The following PDK1 variants were observed in gnomAD, a reference collection of about 807,000 sequenced individuals.
PDK1 encodes pyruvate dehydrogenase kinase 1.
PDK1 carries 39 observed loss-of-function variants against 54.2 expected under a neutral mutation model. The observed-to-expected ratio is 0.72, with a 90% CI of 0.56 to 0.94. The LOEUF is 0.94. PDK1 is among the 40% of genes least tolerant of loss of function. PDK1 has a pLI of 0.00. For missense variants in PDK1, 552 were observed against 566.0 expected (o/e 0.98, Z 0.25); for synonymous variants, 221 against 207.1 (o/e 1.07, Z -0.58).
the PDK1 span, among the ~76,000 whole-genome samples, chr2:172,621,784 T>C: frequency 7.0e-6 from 1 of 141,868 alleles, no homozygotes; most frequent in Non-Finnish European, 1.6e-5. Context: ...TGTTTATATC[T>C]CATATGTATG....
chr2:172,688,684 A>G, the PDK1 span, among the ~76,000 whole-genome samples: 1 of 152,162 alleles, frequency 6.6e-6, no homozygotes, highest in Admixed American at 6.5e-5. Context: ...GGGAAAGGAG[A>G]GAAGGAAGGA....
At position 172,559,019 on chromosome 2, in the gene PDK1, C is replaced by T. The variant is rs188294822; in HGVS notation, c.338+170C>T. Among the ~76,000 whole-genome samples, 766 of 151,980 alleles carry T rather than the reference C, an allele frequency of 5.0e-3. 9 individuals are homozygous for T. Among genetic ancestry groups the T allele is most frequent in the African/African-American group, 0.017 (695 of 41,432 alleles). ...GCTGGAGTGCAGTGGCGCGATCTTG[C>T]CTCACTGCAAGCTCCGCCTCCCGGG... is the stretch of plus-strand genomic sequence containing the variant. On this transcript the variant is annotated intron_variant, in intron 2 of 10. Transcript: ENST00000282077.
intron 9 of PDK1, among the ~76,000 whole-genome samples, chr2:172,588,597 C>T (rs571897430): frequency 6.6e-6 from 1 of 152,302 alleles, no homozygotes; most frequent in African/African-American, 2.4e-5. Flanking sequence ...CATACATCTA[C>T]ATGCCCTTAA....
At chr2:172,697,302 C>T in the PDK1 span, among the ~76,000 whole-genome samples, 1 of 152,092 alleles carries the variant, frequency 6.6e-6, no homozygotes, top group African/African-American at 2.4e-5. Context: ...CAGAGACATA[C>T]GACAGGGGAT....
chr2:172,562,209 C>G lies in PDK1; in HGVS notation c.339-11C>G, dbSNP rs1688690402. The G allele has an allele frequency of 2.7e-6, 4 of 1,478,218 alleles. No homozygotes were observed. The highest frequency in any genetic ancestry group is 3.8e-6 in the Non-Finnish European group (4 of 1,061,482). 91.6% of individuals were successfully genotyped at this position (1,478,218 alleles called of 1,614,324 possible). Reference sequence around the variant, plus strand: ...AAAAGAACAAACTTATCCTATTGATCTGCATTTTAGGTATATCCAGAGTCT... The same window carrying G: ...AAAAGAACAAACTTATCCTATTGATGTGCATTTTAGGTATATCCAGAGTCT... On this transcript the variant is annotated splice_polypyrimidine_tract_variant and intron_variant, in intron 2 of 10. Transcript: ENST00000282077.
chr2:172,702,704 G>A, the PDK1 span, among the ~76,000 whole-genome samples: 1 of 150,992 alleles, frequency 6.6e-6, no homozygotes, highest in Non-Finnish European at 1.5e-5. Flanking sequence ...TTGGATTTTG[G>A]CCCTATAATC....
the PDK1 span, among the ~76,000 whole-genome samples, chr2:172,704,013 ATCCACCCGCCTCAGCC>A: frequency 1.3e-5 from 2 of 151,744 alleles, no homozygotes; most frequent in Non-Finnish European, 2.9e-5. Flanking sequence ...ACCTCAAGTG[ATCCACCCGCCTCAGCC>A]TCCCAAAGTG....
chr2:172,576,489 T>G (rs935985314), intron 8 of PDK1, among the ~76,000 whole-genome samples: 1 of 151,954 alleles, frequency 6.6e-6, no homozygotes, highest in Non-Finnish European at 1.5e-5. Context: ...ATTCTGTATT[T>G]CATTAATTAC....
At chr2:172,590,063 T>A (rs1690484395) in intron 9 of PDK1, among the ~76,000 whole-genome samples, 1 of 152,090 alleles carries the variant, frequency 6.6e-6, no homozygotes, top group African/African-American at 2.4e-5. Flanking sequence ...GGAGTGCTGG[T>A]ATGTTTTGAA....
At chr2:172,622,154 CAT>C in the PDK1 span, among the ~76,000 whole-genome samples, 1,203 of 127,978 alleles carry the variant, frequency 9.4e-3, 30 homozygotes, top group East Asian at 0.039. Flanking sequence ...ATGTTTATAT[CAT>C]ATATTATGTG....
the PDK1 span, among the ~76,000 whole-genome samples, chr2:172,622,282 CATAT>C: frequency 2.3e-3 from 185 of 80,952 alleles, no homozygotes; most frequent in African/African-American, 0.015. Flanking sequence ...GTTTATATCT[CATAT>C]ATTATGTGAG....
At chr2:172,611,458 A>G (rs968280315), downstream of PDK1, among the ~76,000 whole-genome samples, 1 of 152,228 alleles carries the variant, frequency 6.6e-6, no homozygotes, top group East Asian at 1.9e-4. Flanking sequence ...ATTTAAAAAA[A>G]ATTACCAGTT....
At chr2:172,562,364 G>A (rs1167189640) in intron 3 of PDK1, 73 bp downstream of exon 3, 10 of 902,540 alleles carry the variant, frequency 1.1e-5, no homozygotes, top group Non-Finnish European at 1.8e-5. Context: ...TAACTTTTAG[G>A]TTTCTACTAC....
At chr2:172,654,319 C>T in the PDK1 span, among the ~76,000 whole-genome samples, 91 of 152,262 alleles carry the variant, frequency 6.0e-4, 1 homozygote, top group Non-Finnish European at 4.7e-4. Flanking sequence ...CACATGCACA[C>T]GTATGTTTAT....
At chr2:172,583,219 A>C (rs1415894198) in intron 8 of PDK1, among the ~76,000 whole-genome samples, 1 of 151,362 alleles carries the variant, frequency 6.6e-6, no homozygotes, top group African/African-American at 2.4e-5. Flanking sequence ...CATCTTACTA[A>C]AATAAATTAC....
At chr2:172,578,997 T>TA (rs1689731126) in intron 8 of PDK1, among the ~76,000 whole-genome samples, 2 of 152,136 alleles carry the variant, frequency 1.3e-5, no homozygotes, top group African/African-American at 2.4e-5. Flanking sequence ...ATAGAGCAAT[T>TA]AGAGGTGAGA....
At position 172,601,062 on chromosome 2, in the gene PDK1, C is replaced by T. The variant is rs1299357040; in HGVS notation, c.*5093C>T. The T allele has an allele frequency of 6.6e-6, 1 of 152,118 alleles. No homozygotes were observed. Among genetic ancestry groups the T allele is most frequent in the Non-Finnish European group, 1.5e-5 (1 of 68,018 alleles). The allele number at this position is 152,118 out of a possible 1,614,324, so 9.4% of individuals were successfully genotyped here. ...TGTTTGTTAAAAGAAAAGTTTTCTG[C>T]CGGGGACTCGCTTTACCCTGTCTAC... is the stretch of plus-strand genomic sequence containing the variant. On this transcript the variant is annotated 3_prime_UTR_variant, in exon 11 of 11. Coordinates refer to ENST00000282077, the MANE Select transcript of PDK1 (RefSeq NM_002610.5).
downstream of PDK1, among the ~76,000 whole-genome samples, chr2:172,612,610 CT>C (rs1253642251): frequency 6.6e-6 from 1 of 152,040 alleles, no homozygotes; most frequent in Non-Finnish European, 1.5e-5. Context: ...AATAGTTTTT[CT>C]GTGTATTTAG....
At chr2:172,627,290 A>C in the PDK1 span, among the ~76,000 whole-genome samples, 9 of 152,244 alleles carry the variant, frequency 5.9e-5, no homozygotes, top group Non-Finnish European at 1.2e-4. Context: ...TACAGGTTTC[A>C]TAAAGCATTA....
Sources: gnomAD v4.1 joint callset for allele counts (sites outside exome capture counted in the v4.1 genomes callset) on GRCh38, gnomAD v4.1.1 for gene constraint, MANE v1.5 for transcripts, NCBI Gene and HGNC (gene_info 2026-07-23, HGNC 2026-07-21) for gene names.